THNSL1: variants seen among roughly 807,000 people sequenced by gnomAD.
The protein encoded by THNSL1 is threonine synthase like 1, also known as threonine synthase-like 1.
In THNSL1, 48 loss-of-function variants were observed where a neutral mutation model predicts 50.4. The ratio of observed to expected loss-of-function variants is 0.95; its 90% CI spans 0.76 to 1.21. THNSL1 has a LOEUF of 1.21. THNSL1 is among the 50% of genes most tolerant of loss of function. The probability of loss-of-function intolerance (pLI) is 0.00; values close to 1 mark genes in which losing one functional copy is unlikely to be tolerated. For missense variants in THNSL1, 896 were observed against 871.7 expected, an observed-to-expected ratio of 1.03 and a Z score of -0.35; for synonymous variants, 309 against 306.1, an observed-to-expected ratio of 1.01 and a Z score of -0.10.
chr10:24,968,260 C>T, the THNSL1 span, among the ~76,000 whole-genome samples: 1 of 152,150 alleles, frequency 6.6e-6, no homozygotes, highest in African/African-American at 2.4e-5. Context: ...TCCTTTGTCT[C>T]TGACATCAGT....
the THNSL1 span, among the ~76,000 whole-genome samples, chr10:24,963,710 T>TA: frequency 6.6e-6 from 1 of 152,298 alleles, no homozygotes; most frequent in Non-Finnish European, 1.5e-5. Context: ...AAAAATGATG[T>TA]AAAACATCAG....
At chr10:24,994,424 C>G in the THNSL1 span, among the ~76,000 whole-genome samples, 1 of 151,656 alleles carries the variant, frequency 6.6e-6, no homozygotes, top group Non-Finnish European at 1.5e-5. Flanking sequence ...ACCCCCGCCT[C>G]CTGGGATCAA....
chr10:24,963,337 C>T, the THNSL1 span, among the ~76,000 whole-genome samples: 1 of 152,168 alleles, frequency 6.6e-6, no homozygotes, highest in Non-Finnish European at 1.5e-5. Context: ...TTACCTGTGA[C>T]CTTTCTGTAT....
the THNSL1 span, among the ~76,000 whole-genome samples, chr10:24,973,099 C>A: frequency 6.6e-6 from 1 of 152,122 alleles, no homozygotes; most frequent in Non-Finnish European, 1.5e-5. Context: ...TCTTAGCAAC[C>A]TCTGCATACA....
At chr10:24,992,330 T>C in the THNSL1 span, among the ~76,000 whole-genome samples, 1 of 152,142 alleles carries the variant, frequency 6.6e-6, no homozygotes, top group Non-Finnish European at 1.5e-5. Flanking sequence ...ATAGGGGCTA[T>C]TTTAGATAAA....
the THNSL1 span, among the ~76,000 whole-genome samples, chr10:25,002,186 C>A: frequency 6.6e-6 from 1 of 152,306 alleles, no homozygotes; most frequent in African/African-American, 2.4e-5. Context: ...GGTGTCTCCA[C>A]CTGGGCTGGT....
chr10:24,973,319 A>G, the THNSL1 span, among the ~76,000 whole-genome samples: 1 of 151,880 alleles, frequency 6.6e-6, no homozygotes, highest in Non-Finnish European at 1.5e-5. Flanking sequence ...CGACTAAGTG[A>G]GACCGCTAAG....
chr10:24,984,915 G>T, the THNSL1 span: 2 of 1,606,606 alleles, frequency 1.2e-6, no homozygotes, highest in Admixed American at 1.7e-5. Flanking sequence ...CCTGCAAATG[G>T]TCAAGAAACT....
At chr10:24,958,735 A>G in the THNSL1 span, among the ~76,000 whole-genome samples, 1 of 152,374 alleles carries the variant, frequency 6.6e-6, no homozygotes, top group Admixed American at 6.5e-5. Flanking sequence ...ACTGAAGAAC[A>G]CACAGAGGGT....
intron 2 of THNSL1, among the ~76,000 whole-genome samples, chr10:25,022,878 A>G (rs1325261452): frequency 6.6e-6 from 1 of 152,218 alleles, no homozygotes; most frequent in African/African-American, 2.4e-5. Context: ...TTTTAAAAGC[A>G]TCTACAATCT....
the THNSL1 span, among the ~76,000 whole-genome samples, chr10:25,009,020 A>T: frequency 6.6e-6 from 1 of 151,962 alleles, no homozygotes; most frequent in Non-Finnish European, 1.5e-5. Flanking sequence ...AAAACCAAAC[A>T]CCGCATGTTC....
chr10:24,968,715 G>A, the THNSL1 span, among the ~76,000 whole-genome samples: 2 of 152,178 alleles, frequency 1.3e-5, no homozygotes, highest in African/African-American at 2.4e-5. Context: ...AGACACTGTA[G>A]TGAGTTGAAA....
the THNSL1 span, chr10:24,999,672 A>G: frequency 2.3e-6 from 2 of 879,594 alleles, no homozygotes; most frequent in Non-Finnish European, 3.4e-6. Context: ...AAGCATAATC[A>G]TAAAACATAC....
At chr10:24,967,738 T>C in the THNSL1 span, among the ~76,000 whole-genome samples, 4 of 151,648 alleles carry the variant, frequency 2.6e-5, no homozygotes, top group Non-Finnish European at 5.9e-5. Context: ...GTGTATGATG[T>C]GTGTATGTAT....
the THNSL1 span, among the ~76,000 whole-genome samples, chr10:25,009,142 A>T: frequency 6.6e-6 from 1 of 152,178 alleles, no homozygotes; most frequent in Non-Finnish European, 1.5e-5. Flanking sequence ...GCATTAGGAG[A>T]TATACCTAAC....
chr10:24,967,185 C>CGT, the THNSL1 span, among the ~76,000 whole-genome samples: 3 of 151,280 alleles, frequency 2.0e-5, no homozygotes, highest in Admixed American at 6.6e-5. Flanking sequence ...TGTGTGTGTG[C>CGT]GTGTGTGTGT....
At chr10:25,000,222 CA>C in the THNSL1 span, among the ~76,000 whole-genome samples, 1 of 152,098 alleles carries the variant, frequency 6.6e-6, no homozygotes, top group South Asian at 2.1e-4. Flanking sequence ...AATTTTCTGA[CA>C]TTTGTTTTAT....
the THNSL1 span, among the ~76,000 whole-genome samples, chr10:24,975,932 A>G: frequency 6.6e-6 from 1 of 152,376 alleles, no homozygotes; most frequent in Non-Finnish European, 1.5e-5. Flanking sequence ...TTGATTCTTC[A>G]TGATAGTCAT....
chr10:25,020,975 A>G (rs1177753946), intron 1 of THNSL1, among the ~76,000 whole-genome samples: 1 of 152,180 alleles, frequency 6.6e-6, no homozygotes, highest in Non-Finnish European at 1.5e-5. Flanking sequence ...AAATAAATTG[A>G]TGTTATGGTT....
Sources: allele counts gnomAD v4.1 joint callset (sites outside exome capture counted in the v4.1 genomes callset), GRCh38; gene constraint gnomAD v4.1.1; transcripts MANE v1.5; gene names NCBI Gene and HGNC (gene_info 2026-07-23, HGNC 2026-07-21).